Variants in PLCG2 observed in about 807,000 individuals in gnomAD.
The protein encoded by PLCG2 is phospholipase C gamma 2.
In PLCG2, 69 loss-of-function variants were observed where a neutral mutation model predicts 175.6. The observed-to-expected ratio is 0.39, with a 90% CI of 0.32 to 0.48. PLCG2 has a LOEUF of 0.48. PLCG2 is among the 20% of genes least tolerant of loss of function. PLCG2 has a pLI of 0.91. For missense variants in PLCG2, 1,798 were observed against 1,650.9 expected, an observed-to-expected ratio of 1.09 and a Z score of -1.54; for synonymous variants, 827 against 624.0, an observed-to-expected ratio of 1.33 and a Z score of -4.85.
At chr16:81,745,383 A>G (rs1909684070) in intron 1 of PLCG2, among the ~76,000 whole-genome samples, 2 of 152,132 alleles carry the variant, frequency 1.3e-5, no homozygotes, top group African/African-American at 2.4e-5. Flanking sequence ...GAAAATCTTC[A>G]TGTTTGACCA....
At chr16:81,822,221 T>C (rs1411626329) in intron 2 of PLCG2, among the ~76,000 whole-genome samples, 5 of 152,122 alleles carry the variant, frequency 3.3e-5, no homozygotes, top group Non-Finnish European at 1.5e-5. Context: ...GTTCCAAAAC[T>C]GTCTTTGAAA....
chr16:81,945,064 A>C (rs1911098825), intron 30 of PLCG2, among the ~76,000 whole-genome samples: 1 of 152,240 alleles, frequency 6.6e-6, no homozygotes, highest in Admixed American at 6.5e-5. Flanking sequence ...ATGACAATAC[A>C]CCTTAGGGGT....
chr16:81,843,904 G>A (rs1905967056), intron 2 of PLCG2, among the ~76,000 whole-genome samples: 2 of 152,104 alleles, frequency 1.3e-5, no homozygotes, highest in Admixed American at 6.5e-5. Context: ...AGACAGACAC[G>A]CCTTTCCTTT....
At chr16:81,853,128 C>T (rs1427374733) in intron 2 of PLCG2, among the ~76,000 whole-genome samples, 1 of 152,138 alleles carries the variant, frequency 6.6e-6, no homozygotes, top group Non-Finnish European at 1.5e-5. Context: ...GTCAGGAATT[C>T]AAGACCAGCC....
In PLCG2 at chr16:81,961,806, G is replaced by A. The variant is rs535466400; in HGVS notation, c.*3808G>A. 2.5e-5 allele frequency: 5 copies of A among 203,116 alleles called. No homozygotes were observed. Among genetic ancestry groups the A allele is most frequent in the African/African-American group, 1.1e-4 (5 of 43,756 alleles). The allele number at this position is 203,116 out of a possible 1,614,324, so 12.6% of individuals were successfully genotyped here. On this transcript the variant is annotated 3_prime_UTR_variant, in exon 33 of 33. Coordinates refer to ENST00000564138, the MANE Select transcript of PLCG2 (RefSeq NM_002661.5). The stretch of plus-strand genomic sequence containing the variant: ...AACATGTAGTGTCTACGGTATGCCA[G>A]CACTTTGCAGCTATTTATAATGAGA...
chr16:81,910,613 C>T lies in PLCG2; in HGVS notation c.1827C>T (p.Ser609=). The change falls in exon 18 of 33, where the codon AGC becomes AGT. Residue 609 remains serine, a synonymous_variant. Transcript: ENST00000564138. The part of the protein sequence containing the change: ...YYLTDNLTFS[S]IYALIQHYRE... ...TGACTGACAACCTCACCTTCAGCAG[C>T]ATCTATGCCCTCATCCAGCACTACC... is the stretch of plus-strand genomic sequence containing the variant. 1 of 1,614,124 alleles carries T rather than the reference C, an allele frequency of 6.2e-7. No individual in the cohort carries two copies. Among genetic ancestry groups the T allele is most frequent in the Non-Finnish European group, 8.5e-7 (1 of 1,179,986 alleles).
At chr16:81,881,912 G>T (rs762193924) in intron 8 of PLCG2, among the ~76,000 whole-genome samples, 8 of 151,832 alleles carry the variant, frequency 5.3e-5, no homozygotes, top group Admixed American at 3.3e-4. Flanking sequence ...TTGGCCTCCC[G>T]AAGTGCTGGG....
Position 81,921,308 on chromosome 16 carries a change from C to A in PLCG2, c.2307+39C>A. The A allele has an allele frequency of 2.2e-6, 3 of 1,334,232 alleles. No homozygotes were observed. In the South Asian group the frequency reaches 3.5e-5, roughly 16 times the overall value. 82.6% of individuals were successfully genotyped at this position (1,334,232 alleles called of 1,614,324 possible). ...CCTCCAATTCACATGATTTTGGAGTCACGAGGCTGATGTGGATTCCATCTT... is the reference window on the plus strand; with the variant it reads ...CCTCCAATTCACATGATTTTGGAGTAACGAGGCTGATGTGGATTCCATCTT... On this transcript the variant is annotated intron_variant, in intron 21 of 32. Coordinates refer to ENST00000564138, the MANE Select transcript of PLCG2 (RefSeq NM_002661.5).
chr16:81,871,344 G>A (rs962660451), intron 7 of PLCG2, among the ~76,000 whole-genome samples: 1 of 152,232 alleles, frequency 6.6e-6, no homozygotes, highest in East Asian at 1.9e-4. Flanking sequence ...TTACACGTTT[G>A]TTTGTTTGTT....
chr16:81,776,637 C>T (rs895058771), upstream of PLCG2, among the ~76,000 whole-genome samples: 1 of 152,214 alleles, frequency 6.6e-6, no homozygotes. Flanking sequence ...TCACTGCAAC[C>T]TCTGCCTTCT....
At chr16:81,913,887 G>A (rs999402003) in intron 19 of PLCG2, among the ~76,000 whole-genome samples, 3 of 152,156 alleles carry the variant, frequency 2.0e-5, no homozygotes, top group Non-Finnish European at 4.4e-5. Flanking sequence ...CCTGGGGACC[G>A]TGGTGACGGT....
rs768646306 is a variant in PLCG2 at position 81,858,352 on chromosome 16, G to A, written c.427G>A (p.Glu143Lys). ...AMNASTPTIIESWLRKQIYSV... is the reference protein window; with the variant it reads ...AMNASTPTIIKSWLRKQIYSV... ...GAATGCGTCCACGCCCACCATTATC[G>A]AGAGGTAGTTGGCTTTTGCCTGTTG... Residue 143 changes from glutamate (E) to lysine (K), a missense_variant, in exon 4 of 33, where the codon GAG becomes AAG. By Grantham distance (56) the Glu-to-Lys change is moderately conservative. Coordinates refer to ENST00000564138, the MANE Select transcript of PLCG2 (RefSeq NM_002661.5). The A allele has an allele frequency of 6.2e-7, 1 of 1,611,990 alleles. No homozygotes were observed. Among genetic ancestry groups the A allele is most frequent in the Admixed American group, 1.7e-5 (1 of 60,020 alleles).
At chr16:81,836,512 G>A (rs540773577) in intron 2 of PLCG2, among the ~76,000 whole-genome samples, 1 of 152,284 alleles carries the variant, frequency 6.6e-6, no homozygotes, top group South Asian at 2.1e-4. Flanking sequence ...AGGGTGAGGT[G>A]GGTGGATCAC....
At position 81,961,171 on chromosome 16, in the gene PLCG2, G is replaced by A. The variant is rs1050413422; in HGVS notation, c.*3173G>A. The A allele has an allele frequency of 4.4e-6, 1 of 229,280 alleles. No homozygotes were observed. The highest frequency in any genetic ancestry group is 8.6e-6 in the Non-Finnish European group (1 of 115,686). 14.2% of individuals were successfully genotyped at this position (229,280 alleles called of 1,614,324 possible). On this transcript the variant is annotated 3_prime_UTR_variant, in exon 33 of 33. Transcript: ENST00000564138. Reference sequence around the variant, plus strand: ...GAGTCTCTTAGCATGTAACTACAAAGGGGTTGGAAGAATTCAGTGATTCTG... The same window carrying A: ...GAGTCTCTTAGCATGTAACTACAAAAGGGTTGGAAGAATTCAGTGATTCTG...
chr16:81,805,518 AC>A (rs775690930), intron 2 of PLCG2, among the ~76,000 whole-genome samples: 33 of 148,814 alleles, frequency 2.2e-4, no homozygotes, highest in African/African-American at 7.8e-4. Flanking sequence ...AAAAAAAAAA[AC>A]AAAACGCAAG....
At chr16:81,883,654 C>G (rs975661015) in intron 9 of PLCG2, 23 of 395,308 alleles carry the variant, frequency 5.8e-5, no homozygotes, top group African/African-American at 4.5e-4. Context: ...TGGGGCTGCC[C>G]TCACCTGGCT....
intron 1 of PLCG2, among the ~76,000 whole-genome samples, chr16:81,741,858 C>G (rs556641673): frequency 6.6e-6 from 1 of 152,270 alleles, no homozygotes; most frequent in East Asian, 1.9e-4. Flanking sequence ...TCCATCACTT[C>G]AAACGTTTGT....
chr16:81,896,365 AACACACAC>A (rs57375866), intron 13 of PLCG2, among the ~76,000 whole-genome samples: 4,304 of 120,938 alleles, frequency 0.036, 127 homozygotes, highest in Admixed American at 0.048. Flanking sequence ...TCTCTACCAA[AACACACAC>A]ACACACACAC....
chr16:81,949,060 G>T (rs1207841115), intron 31 of PLCG2, among the ~76,000 whole-genome samples: 2 of 152,182 alleles, frequency 1.3e-5, no homozygotes, highest in Admixed American at 1.3e-4. Flanking sequence ...AAAGAGATCT[G>T]CATTAGTGAC....
Sources: allele counts gnomAD v4.1 joint callset (sites outside exome capture counted in the v4.1 genomes callset), GRCh38; gene constraint gnomAD v4.1.1; transcripts MANE v1.5; gene names NCBI Gene and HGNC (gene_info 2026-07-23, HGNC 2026-07-21).